The following SV2B variants were observed in gnomAD, a reference collection of about 807,000 sequenced individuals.
SV2B encodes the protein synaptic vesicle glycoprotein 2B, also known as solute carrier family 22 member B2.
In SV2B, 41 loss-of-function variants were observed where a neutral mutation model predicts 73.9. The observed-to-expected ratio is 0.56, with a 90% CI of 0.43 to 0.72. The LOEUF (loss-of-function observed/expected upper bound fraction) is 0.72. Ranked by LOEUF, SV2B falls within the 30% of genes least tolerant of loss-of-function variation. The probability of loss-of-function intolerance (pLI) is 0.00; values close to 1 mark genes in which losing one functional copy is unlikely to be tolerated. For missense variants in SV2B, 764 were observed against 857.8 expected, an observed-to-expected ratio of 0.89 and a Z score of 1.37; for synonymous variants, 314 against 314.2, an observed-to-expected ratio of 1.00 and a Z score of 0.01.
intron 6 of SV2B, among the ~76,000 whole-genome samples, chr15:91,263,269 C>G (rs140319106): frequency 2.8e-5 from 4 of 141,950 alleles, no homozygotes; most frequent in Non-Finnish European, 3.0e-5. Context: ...CGGACACAGA[C>G]ACATGGACAC....
rs1283012546 is a variant in SV2B at position 91,231,576 on chromosome 15, G to A, written c.451+4862G>A. Among the ~76,000 whole-genome samples, 2 of 152,132 alleles carry A rather than the reference G, an allele frequency of 1.3e-5. No homozygotes were observed. Among genetic ancestry groups the A allele is most frequent in the African/African-American group, 4.8e-5 (2 of 41,424 alleles). On this transcript the variant is annotated intron_variant, in intron 2 of 12. Transcript: ENST00000394232. The surrounding 1 kb of genome is among the most constrained non-coding windows in gnomAD (Gnocchi z 4.5). ...GGATGACAATATTGGCGACACGTAA[G>A]GCAAACCAACCCCATCCTTTTCTGC...
At chr15:91,246,050 AG>A in intron 2 of SV2B, among the ~76,000 whole-genome samples, 1 of 136,954 alleles carries the variant, frequency 7.3e-6, no homozygotes, top group East Asian at 2.1e-4. Context: ...TGGGAACTGA[AG>A]AAATATGAGT....
rs1414046059 is a variant in SV2B, at chr15:91,234,030, G to A, written c.451+7316G>A. ...TTTGGGCCCACTAAGCAGAAATTCT[G>A]CATTTAATGTTGCAGCTTGTAGGGC... On this transcript the variant is annotated intron_variant, in intron 2 of 12. Transcript: ENST00000394232. This position sits in a 1 kb window ranked among gnomAD's most constrained non-coding sequence, Gnocchi z 5.6. Among the ~76,000 whole-genome samples, 1 of 152,196 alleles carries A rather than the reference G, an allele frequency of 6.6e-6. No homozygotes were observed. Among genetic ancestry groups the A allele is most frequent in the Non-Finnish European group, 1.5e-5 (1 of 68,024 alleles).
intron 1 of SV2B, among the ~76,000 whole-genome samples, chr15:91,173,144 G>C (rs2044181907): frequency 6.6e-6 from 1 of 152,204 alleles, no homozygotes; most frequent in East Asian, 1.9e-4. Flanking sequence ...CAAGTGCTGA[G>C]AAGGAGGGAG....
At chr15:91,272,355 C>G (rs997254284) in intron 9 of SV2B, among the ~76,000 whole-genome samples, 5 of 152,156 alleles carry the variant, frequency 3.3e-5, no homozygotes, top group African/African-American at 1.2e-4. Context: ...ACCTTCTCTT[C>G]CTGGGAAGAC....
In SV2B at chr15:91,231,971, GAGAT is replaced by G. The variant is rs2046592869; in HGVS notation, c.451+5263_451+5266del. Reference sequence around the variant, plus strand: ...TGAGCTGAATTTTCATAGCAGCTCAGAGATAGATATATTACTCTGCTGTCGTGAA... The same window carrying G: ...TGAGCTGAATTTTCATAGCAGCTCAGAGATATATTACTCTGCTGTCGTGAA... On this transcript the variant is annotated intron_variant, in intron 2 of 12. Transcript: ENST00000394232. This position sits in a 1 kb window ranked among gnomAD's most constrained non-coding sequence, Gnocchi z 4.5. Among the ~76,000 whole-genome samples the G allele has an allele frequency of 6.6e-6, 1 of 152,190 alleles. No homozygotes were observed. The highest frequency in any genetic ancestry group is 1.5e-5 in the Non-Finnish European group (1 of 68,038).
chr15:91,099,820 A>G (rs1223117414), upstream of SV2B: 1 of 152,112 alleles, frequency 6.6e-6, no homozygotes, highest in African/African-American at 2.4e-5. Flanking sequence ...TAGTCCTCTG[A>G]CGCATCCTAG....
chr15:91,215,290 G>C (rs2045987393), intron 1 of SV2B, among the ~76,000 whole-genome samples: 1 of 152,180 alleles, frequency 6.6e-6, no homozygotes, highest in Non-Finnish European at 1.5e-5. Context: ...TAGGCCAGAG[G>C]TTCTTGACTT....
rs2042852128 is a variant in SV2B, at chr15:91,137,072, T to G, written c.-392+36709T>G. ...ATGATGCAACTTGTAAACCAGTTAT[T>G]GGGGTGACTCGTAAGAAGCAGGCAG... On this transcript the variant is annotated intron_variant, in intron 1 of 12. Transcript: ENST00000394232. The surrounding 1 kb of genome is among the most constrained non-coding windows in gnomAD (Gnocchi z 4.9). Among the ~76,000 whole-genome samples the G allele has an allele frequency of 6.6e-6, 1 of 152,184 alleles. No homozygotes were observed. Among genetic ancestry groups the G allele is most frequent in the South Asian group, 2.1e-4 (1 of 4,832 alleles).
chr15:91,179,794 G>A (rs545277522), intron 1 of SV2B, among the ~76,000 whole-genome samples: 36 of 152,066 alleles, frequency 2.4e-4, no homozygotes, highest in Non-Finnish European at 4.7e-4. Context: ...GTCTCTGCCC[G>A]TGAGCTGGGT....
chr15:91,192,968 T>C (rs139880834), intron 1 of SV2B, among the ~76,000 whole-genome samples: 6 of 152,214 alleles, frequency 3.9e-5, no homozygotes, highest in Non-Finnish European at 1.5e-5. Context: ...GCTCTCATAC[T>C]ATGGATTATT....
At chr15:91,196,265 G>T (rs192548644) in intron 1 of SV2B, among the ~76,000 whole-genome samples, 2 of 152,180 alleles carry the variant, frequency 1.3e-5, no homozygotes, top group South Asian at 4.1e-4. Flanking sequence ...AAACAACAAG[G>T]TTCTCTGTGT....
intron 1 of SV2B, among the ~76,000 whole-genome samples, chr15:91,219,733 C>T (rs1208360493): frequency 1.3e-5 from 2 of 151,998 alleles, no homozygotes; most frequent in Non-Finnish European, 2.9e-5. Flanking sequence ...TAGGACATTC[C>T]CATCAACACC....
chr15:91,266,245 G>A (rs966592121), intron 6 of SV2B, among the ~76,000 whole-genome samples: 3 of 152,180 alleles, frequency 2.0e-5, no homozygotes, highest in African/African-American at 7.2e-5. Context: ...CCTAGCCCTC[G>A]GGAAATGATG....
At chr15:91,193,320 G>A (rs1048223300) in intron 1 of SV2B, among the ~76,000 whole-genome samples, 1 of 152,170 alleles carries the variant, frequency 6.6e-6, no homozygotes, top group African/African-American at 2.4e-5. Context: ...GTACCTGTTG[G>A]CCGACGTTGG....
At chr15:91,266,523 T>C (rs1486128725) in intron 6 of SV2B, 59 bp from the exon 7 acceptor site, 2 of 1,333,672 alleles carry the variant, frequency 1.5e-6, no homozygotes, top group Non-Finnish European at 2.1e-6. Flanking sequence ...AAACTACACA[T>C]TGAAAACTCT....
chr15:91,271,950 C>A (rs895951283), intron 9 of SV2B, among the ~76,000 whole-genome samples: 1 of 152,134 alleles, frequency 6.6e-6, no homozygotes, highest in Non-Finnish European at 1.5e-5. Flanking sequence ...TTGAGTATCA[C>A]GCATGGTGGA....
intron 1 of SV2B, among the ~76,000 whole-genome samples, chr15:91,126,923 C>T (rs1158258630): frequency 2.6e-5 from 4 of 152,228 alleles, no homozygotes; most frequent in African/African-American, 9.6e-5. Context: ...AGACTGAATG[C>T]TTTCCCTTCA....
At chr15:91,170,670 C>T (rs1280112913) in intron 1 of SV2B, among the ~76,000 whole-genome samples, 1 of 152,142 alleles carries the variant, frequency 6.6e-6, no homozygotes, top group East Asian at 1.9e-4. Context: ...CTGTCCCTGC[C>T]CTGAGGTCAG....
Sources: gnomAD v4.1 joint callset for allele counts (sites outside exome capture counted in the v4.1 genomes callset) on GRCh38, gnomAD v4.1.1 for gene constraint, Gnocchi (gnomAD v3.1) non-coding constraint, MANE v1.5 for transcripts, NCBI Gene and HGNC (gene_info 2026-07-23, HGNC 2026-07-21) for gene names.